ANGPT1: variants seen among roughly 807,000 people sequenced by gnomAD.
ANGPT1 encodes the protein angiopoietin-1.
Under a neutral mutation model 62.2 loss-of-function variants are expected in ANGPT1, and 17 were observed. The observed-to-expected ratio is 0.27, with a 90% confidence interval of 0.19 to 0.41. The LOEUF (loss-of-function observed/expected upper bound fraction) is 0.41. Among genes scored for constraint, ANGPT1 ranks in the 10% least tolerant of loss-of-function variants. The pLI is 1.00. For synonymous variants in ANGPT1, 199 were observed against 198.9 expected (o/e 1.00, Z 0.00); for missense variants, 478 against 594.9 (o/e 0.80, Z 2.04).
intron 4 of ANGPT1, among the ~76,000 whole-genome samples, chr8:107,313,295 C>T (rs1814921270): frequency 6.6e-6 from 1 of 151,904 alleles, no homozygotes; most frequent in Non-Finnish European, 1.5e-5. Flanking sequence ...CAGACATAAC[C>T]CCACTCAGAA....
At chr8:107,443,536 C>T (rs932128926) in intron 1 of ANGPT1, among the ~76,000 whole-genome samples, 5 of 151,564 alleles carry the variant, frequency 3.3e-5, no homozygotes, top group Admixed American at 6.6e-5. Flanking sequence ...CGGCCGGGTG[C>T]GGTGGCTCAC....
chr8:107,494,157 C>G (rs1024128344), intron 1 of ANGPT1, among the ~76,000 whole-genome samples: 2 of 152,124 alleles, frequency 1.3e-5, no homozygotes, highest in East Asian at 1.9e-4. Context: ...AAAAGCAAAA[C>G]AGATCTTCTA....
chr8:107,396,053 G>T lies in ANGPT1; in HGVS notation c.298-48956C>A, dbSNP rs570945753. Among the ~76,000 whole-genome samples the T allele has an allele frequency of 5.9e-5, 9 of 152,284 alleles. No homozygotes were observed. In the East Asian group the frequency reaches 1.7e-3, roughly 29 times the overall value. On this transcript the variant is annotated intron_variant, in intron 1 of 8. Transcript: ENST00000517746. ...ACCTGAATGGTAAAGAGAAAAGCTTGTCTCAGTAGTTACTATTTGATGGAG... is the reference window on the plus strand; with the variant it reads ...ACCTGAATGGTAAAGAGAAAAGCTTTTCTCAGTAGTTACTATTTGATGGAG...
chr8:107,256,923 C>G (rs184133058), intron 8 of ANGPT1, among the ~76,000 whole-genome samples: 1 of 152,186 alleles, frequency 6.6e-6, no homozygotes, highest in East Asian at 1.9e-4. Flanking sequence ...GTGGCACAAT[C>G]TTGGCTCACC....
chr8:107,403,104 A>C (rs892232937), intron 1 of ANGPT1, among the ~76,000 whole-genome samples: 2 of 152,164 alleles, frequency 1.3e-5, no homozygotes, highest in Non-Finnish European at 2.9e-5. Flanking sequence ...GTAGTTCAGA[A>C]ATGTCATTAA....
At chr8:107,412,854 A>T (rs1810624541) in intron 1 of ANGPT1, among the ~76,000 whole-genome samples, 1 of 152,170 alleles carries the variant, frequency 6.6e-6, no homozygotes, top group Non-Finnish European at 1.5e-5. Context: ...GCAGATGGAA[A>T]TGTGGATGGC....
intron 3 of ANGPT1, among the ~76,000 whole-genome samples, chr8:107,327,347 G>A (rs1438282170): frequency 6.6e-6 from 1 of 152,008 alleles, no homozygotes; most frequent in African/African-American, 2.4e-5. Context: ...TATATAGAGA[G>A]GTTGATATGA....
chr8:107,431,664 A>G (rs1380569407), intron 1 of ANGPT1, among the ~76,000 whole-genome samples: 1 of 151,942 alleles, frequency 6.6e-6, no homozygotes, highest in East Asian at 1.9e-4. Flanking sequence ...TTCTCCCAAC[A>G]TACTGTCATA....
chr8:107,296,507 C>A (rs543631204), intron 5 of ANGPT1, among the ~76,000 whole-genome samples: 3 of 151,914 alleles, frequency 2.0e-5, no homozygotes, highest in Admixed American at 1.3e-4. Flanking sequence ...AATGAAGAAG[C>A]CTTTAGTGAC....
At chr8:107,283,589 A>C (rs959599182) in intron 7 of ANGPT1, among the ~76,000 whole-genome samples, 1 of 152,196 alleles carries the variant, frequency 6.6e-6, no homozygotes, top group African/African-American at 2.4e-5. Flanking sequence ...TTGAACTATG[A>C]GATAACCACA....
intron 1 of ANGPT1, among the ~76,000 whole-genome samples, chr8:107,452,480 C>CTTTATT (rs1443705213): frequency 6.6e-6 from 1 of 151,178 alleles, no homozygotes; most frequent in African/African-American, 2.4e-5. Context: ...ACTTTTATTT[C>CTTTATT]TTTATTTTTA....
At chr8:107,285,120 A>G (rs2130138221) in intron 6 of ANGPT1, among the ~76,000 whole-genome samples, 1 of 152,260 alleles carries the variant, frequency 6.6e-6, no homozygotes, top group Non-Finnish European at 1.5e-5. Context: ...TCTAGTTAAT[A>G]GGTTTAACTG....
chr8:107,310,955 A>ATG (rs35460809), intron 4 of ANGPT1, among the ~76,000 whole-genome samples: 31,162 of 147,306 alleles, frequency 0.21, 3,815 homozygotes, highest in East Asian at 0.35. Context: ...GTGTGTATGT[A>ATG]TGTGTGTGTG....
intron 8 of ANGPT1, among the ~76,000 whole-genome samples, chr8:107,252,465 A>C (rs1317749717): frequency 2.0e-5 from 3 of 152,206 alleles, no homozygotes; most frequent in African/African-American, 7.2e-5. Context: ...CAAGCAACTG[A>C]GATCTAAATA....
chr8:107,414,088 A>G (rs1224173670), intron 1 of ANGPT1, among the ~76,000 whole-genome samples: 1 of 152,136 alleles, frequency 6.6e-6, no homozygotes, highest in Non-Finnish European at 1.5e-5. Flanking sequence ...CCATGGGTAT[A>G]GGGTTTATGA....
At chr8:107,374,149 A>C (rs1816475788) in intron 1 of ANGPT1, among the ~76,000 whole-genome samples, 1 of 152,238 alleles carries the variant, frequency 6.6e-6, no homozygotes, top group Admixed American at 6.5e-5. Flanking sequence ...AGGGCTTGCC[A>C]ACCTTTTTTT....
chr8:107,343,525 C>A (rs180978040), intron 2 of ANGPT1, among the ~76,000 whole-genome samples: 116 of 152,230 alleles, frequency 7.6e-4, no homozygotes, highest in African/African-American at 2.4e-3. Context: ...TCTGGACCAA[C>A]ACAGCAATGG....
intron 1 of ANGPT1, among the ~76,000 whole-genome samples, chr8:107,472,967 T>C (rs188454294): frequency 1.8e-4 from 28 of 152,156 alleles, no homozygotes; most frequent in African/African-American, 6.7e-4. Context: ...CTCCCCCATC[T>C]CCACTACCAC....
chr8:107,400,901 C>T (rs1817034986), intron 1 of ANGPT1, among the ~76,000 whole-genome samples: 2 of 151,862 alleles, frequency 1.3e-5, no homozygotes, highest in South Asian at 4.2e-4. Context: ...AAGATTTACA[C>T]TAGATCATGC....
Sources: gnomAD v4.1 joint callset for allele counts (sites outside exome capture counted in the v4.1 genomes callset) on GRCh38, gnomAD v4.1.1 for gene constraint, MANE v1.5 for transcripts, NCBI Gene and HGNC (gene_info 2026-07-23, HGNC 2026-07-21) for gene names.